Variants in C12orf42 observed in about 807,000 individuals in gnomAD.
The protein encoded by C12orf42 is chromosome 12 open reading frame 42.
Under a neutral mutation model 21.6 loss-of-function variants are expected in C12orf42, and 25 were observed. The ratio of observed to expected loss-of-function variants is 1.16; its 90% confidence interval spans 0.84 to 1.62. The LOEUF (loss-of-function observed/expected upper bound fraction) is 1.62. Among genes scored for constraint, C12orf42 ranks in the 40% most tolerant of loss-of-function variants. The pLI, the probability that C12orf42 is intolerant of heterozygous loss-of-function variation, is 0.00. For missense variants in C12orf42, 483 were observed against 459.3 expected (o/e 1.05, Z -0.47); for synonymous variants, 174 against 175.0 (o/e 0.99, Z 0.05).
At chr12:103,387,141 C>T (rs2046681029) in intron 3 of C12orf42, among the ~76,000 whole-genome samples, 1 of 152,178 alleles carries the variant, frequency 6.6e-6, no homozygotes, top group African/African-American at 2.4e-5. Context: ...TATGGATGTA[C>T]CCACGTACCT....
the C12orf42 span, among the ~76,000 whole-genome samples, chr12:103,220,430 A>G: frequency 0.48 from 72,889 of 151,576 alleles, 17,715 homozygotes; most frequent in East Asian, 0.59. Flanking sequence ...AGAAAGACTG[A>G]CCAATAAATA....
At chr12:103,356,300 G>T (rs1313145484) in intron 4 of C12orf42, among the ~76,000 whole-genome samples, 2 of 152,010 alleles carry the variant, frequency 1.3e-5, no homozygotes, top group African/African-American at 4.8e-5. Flanking sequence ...CAAACAAACA[G>T]GAACCTTTTT....
the C12orf42 span, among the ~76,000 whole-genome samples, chr12:103,179,406 TGAA>T: frequency 1.3e-5 from 2 of 152,296 alleles, no homozygotes; most frequent in Admixed American, 1.3e-4. Context: ...GGCTGAGATT[TGAA>T]GAATATGGAG....
chr12:103,438,952 C>T (rs1006039283), intron 2 of C12orf42, among the ~76,000 whole-genome samples: 3 of 152,166 alleles, frequency 2.0e-5, no homozygotes, highest in South Asian at 2.1e-4. Flanking sequence ...ATCGCCAAGG[C>T]AATCATAAGG....
chr12:103,272,095 A>C (rs2035507515), intron 5 of C12orf42, among the ~76,000 whole-genome samples: 1 of 152,174 alleles, frequency 6.6e-6, no homozygotes, highest in Non-Finnish European at 1.5e-5. Context: ...CTATAGATCT[A>C]AGAGGTGAGA....
At chr12:103,146,571 A>AGAAAGAAT in the C12orf42 span, among the ~76,000 whole-genome samples, 3,032 of 146,836 alleles carry the variant, frequency 0.021, 31 homozygotes, top group African/African-American at 0.023. Context: ...AAAGAAAGAA[A>AGAAAGAAT]GAAAGAAAGA....
chr12:103,364,183 C>A (rs2044376734), intron 4 of C12orf42, among the ~76,000 whole-genome samples: 1 of 151,980 alleles, frequency 6.6e-6, no homozygotes, highest in Non-Finnish European at 1.5e-5. Context: ...GAAATCAACT[C>A]CAGAAAGAAC....
chr12:103,382,159 A>G (rs1313668135), intron 3 of C12orf42, among the ~76,000 whole-genome samples: 1 of 152,168 alleles, frequency 6.6e-6, no homozygotes, highest in Non-Finnish European at 1.5e-5. Flanking sequence ...AGATGGAATC[A>G]TGGCTTTTTT....
At chr12:103,187,010 C>T in the C12orf42 span, among the ~76,000 whole-genome samples, 227 of 152,224 alleles carry the variant, frequency 1.5e-3, no homozygotes, top group African/African-American at 5.0e-3. Context: ...CACAAAAGCA[C>T]AATAAAACAT....
intron 10 of C12orf42, among the ~76,000 whole-genome samples, chr12:103,253,893 A>T (rs2034429476): frequency 6.6e-6 from 1 of 151,464 alleles, no homozygotes; most frequent in Non-Finnish European, 1.5e-5. Context: ...TGTCAAATGG[A>T]TAGATTGAAA....
At chr12:103,298,728 CT>C (rs1323343899), downstream of C12orf42, among the ~76,000 whole-genome samples, 1 of 152,164 alleles carries the variant, frequency 6.6e-6, no homozygotes, top group African/African-American at 2.4e-5. Context: ...AGTACCTTAG[CT>C]TTTTCCTTAA....
chr12:103,395,946 C>T (rs1483947343), intron 3 of C12orf42, among the ~76,000 whole-genome samples: 1 of 147,856 alleles, frequency 6.8e-6, no homozygotes, highest in Non-Finnish European at 1.5e-5. Context: ...TGTATATATA[C>T]ATTATATATT....
rs115037055 is a variant in C12orf42, at chr12:103,302,465, G to C, written c.726C>G (p.Leu242=). ...GGACTGCCATCCTCTCCTCCGGCTC[G>C]AGCTCTGTGTTACTCGGGCCGGTGC... ...LQSTGPSNTE[L]EPEERMAVPA... is the part of the protein sequence containing the mutation. Residue 242 remains leucine (L), a synonymous_variant, in exon 6 of 6, where the codon CTC becomes CTG. Coordinates refer to ENST00000548883, the MANE Select transcript of C12orf42 (RefSeq NM_198521.5). The C allele has an allele frequency of 2.8e-3, 4,457 of 1,613,626 alleles. 111 individuals are homozygous for C. The African/African-American group carries it at 0.053, about 19-fold the overall frequency.
the C12orf42 span, among the ~76,000 whole-genome samples, chr12:103,086,167 AC>A: frequency 6.6e-6 from 1 of 152,118 alleles, no homozygotes; most frequent in Non-Finnish European, 1.5e-5. Flanking sequence ...GCATTCCCCA[AC>A]ATCCATTTGA....
chr12:103,323,427 G>A (rs1433127917), intron 4 of C12orf42, among the ~76,000 whole-genome samples: 1 of 152,148 alleles, frequency 6.6e-6, no homozygotes, highest in Non-Finnish European at 1.5e-5. Context: ...GAATTAAGGG[G>A]CCAACTTACA....
Position 103,475,590 on chromosome 12 carries a change from G to A in C12orf42, c.78+2759C>T, listed in dbSNP as rs147308566. Among the ~76,000 whole-genome samples the A allele has an allele frequency of 2.6e-3, 391 of 152,274 alleles. 3 individuals carry two copies. Among genetic ancestry groups the A allele is most frequent in the South Asian group, 2.3e-3 (11 of 4,826 alleles). ...TCATGTTGCTGTTCCTATCATTGCA[G>A]CATAGAACTGTCTGGGCATTTTGCA... On this transcript the variant is annotated intron_variant, in intron 2 of 5. Transcript: ENST00000548883.
intron 3 of C12orf42, among the ~76,000 whole-genome samples, chr12:103,379,382 T>G (rs1050156847): frequency 1.3e-5 from 2 of 152,182 alleles, no homozygotes; most frequent in African/African-American, 4.8e-5. Flanking sequence ...AATGATACAT[T>G]GAAGATGCAT....
the C12orf42 span, among the ~76,000 whole-genome samples, chr12:103,093,952 G>A: frequency 6.6e-6 from 1 of 152,256 alleles, no homozygotes; most frequent in Admixed American, 6.5e-5. Context: ...GTTGGAGAAT[G>A]GACTCTGGTC....
chr12:103,273,976 TCCC>T, intron 5 of C12orf42: 1 of 454,592 alleles, frequency 2.2e-6, no homozygotes, highest in South Asian at 1.6e-5. Context: ...TCAAGAAAAA[TCCC>T]CCCAAGAGCA....
Sources: gnomAD v4.1 joint callset for allele counts (sites outside exome capture counted in the v4.1 genomes callset) on GRCh38, gnomAD v4.1.1 for gene constraint, MANE v1.5 for transcripts, NCBI Gene and HGNC (gene_info 2026-07-23, HGNC 2026-07-21) for gene names.